SEMA3E: variants seen among roughly 807,000 people sequenced by gnomAD.
SEMA3E encodes the protein semaphorin 3E.
Under a neutral mutation model 93.6 loss-of-function variants are expected in SEMA3E, and 49 were observed. That is an observed-to-expected ratio of 0.52 (90% CI 0.42 to 0.66). SEMA3E has a LOEUF of 0.66. Among genes scored for constraint, SEMA3E ranks in the 30% least tolerant of loss-of-function variants. The pLI is 0.00. For missense variants in SEMA3E, 906 were observed against 964.8 expected (o/e 0.94, Z 0.81); for synonymous variants, 363 against 330.7 (o/e 1.10, Z -1.06).
At chr7:83,557,641 G>C (rs1240617768) in intron 1 of SEMA3E, among the ~76,000 whole-genome samples, 1 of 152,000 alleles carries the variant, frequency 6.6e-6, no homozygotes, top group Non-Finnish European at 1.5e-5. Context: ...TTAAAACAAT[G>C]AATTTAACTC....
chr7:83,393,213 T>C (rs937144932), intron 13 of SEMA3E, among the ~76,000 whole-genome samples: 17 of 152,056 alleles, frequency 1.1e-4, no homozygotes, highest in African/African-American at 3.1e-4. Flanking sequence ...TACCCAACAC[T>C]GTGGATCTTC....
chr7:83,487,426 A>G (rs1790282240), intron 2 of SEMA3E, among the ~76,000 whole-genome samples: 1 of 152,142 alleles, frequency 6.6e-6, no homozygotes, highest in South Asian at 2.1e-4. Flanking sequence ...CAGATCTTTT[A>G]TAGGTTATTC....
intron 1 of SEMA3E, among the ~76,000 whole-genome samples, chr7:83,630,021 C>T (rs1307151290): frequency 2.6e-5 from 4 of 152,146 alleles, no homozygotes; most frequent in African/African-American, 9.6e-5. Flanking sequence ...TCTCTCATGG[C>T]TTCCTTTGGC....
chr7:83,543,510 A>G (rs1791581562), intron 1 of SEMA3E, among the ~76,000 whole-genome samples: 2 of 152,208 alleles, frequency 1.3e-5, no homozygotes, highest in Admixed American at 1.3e-4. Flanking sequence ...GTTCCATCTA[A>G]TGTCATTCTC....
chr7:83,423,128 AAAAC>A (rs1195990070), intron 4 of SEMA3E, among the ~76,000 whole-genome samples: 2 of 152,220 alleles, frequency 1.3e-5, no homozygotes, highest in Non-Finnish European at 2.9e-5. Context: ...TAACATTTTG[AAAAC>A]AATCAAATGG....
rs144165250 is a variant in SEMA3E, at chr7:83,531,341, C to CTTTTTT, written c.116-41073_116-41068dup. 1.0e-3 allele frequency among the ~76,000 whole-genome samples: 68 copies of CTTTTTT among 68,142 alleles called. 13 individuals carry two copies. The highest frequency in any genetic ancestry group is 1.5e-3 in the Admixed American group (6 of 3,970). 44.7% of individuals were successfully genotyped at this position (68,142 alleles called of 152,430 possible). On this transcript the variant is annotated intron_variant, in intron 1 of 16. Transcript: ENST00000643230. ...ATGTGTGCTTCTTGATTGGAATATTCTTTTTTTTTTTTTTTTTTTTTCCGA... is the reference window on the plus strand; with the variant it reads ...ATGTGTGCTTCTTGATTGGAATATTCTTTTTTTTTTTTTTTTTTTTTTTTTTTCCGA...
intron 1 of SEMA3E, among the ~76,000 whole-genome samples, chr7:83,608,922 A>T (rs1793187558): frequency 6.6e-6 from 1 of 152,138 alleles, no homozygotes; most frequent in African/African-American, 2.4e-5. Flanking sequence ...GCAGCATAGA[A>T]TTTCATTCAT....
At chr7:83,371,269 C>T (rs561054277) in intron 16 of SEMA3E, among the ~76,000 whole-genome samples, 2 of 151,992 alleles carry the variant, frequency 1.3e-5, no homozygotes, top group East Asian at 1.9e-4. Context: ...TAAGTTACAG[C>T]GAAATGAAAA....
intron 4 of SEMA3E, among the ~76,000 whole-genome samples, chr7:83,454,114 C>T (rs1170533370): frequency 6.6e-6 from 1 of 150,966 alleles, no homozygotes; most frequent in African/African-American, 2.4e-5. Context: ...AAAAATTAGC[C>T]TGGCGTGGTG....
At chr7:83,533,859 C>G (rs1351964752) in intron 1 of SEMA3E, among the ~76,000 whole-genome samples, 4 of 152,084 alleles carry the variant, frequency 2.6e-5, no homozygotes, top group Non-Finnish European at 5.9e-5. Flanking sequence ...GAAGGTCCTT[C>G]CCTGCCTGCC....
Position 83,606,338 on chromosome 7 carries a change from T to A in SEMA3E, c.115+42090A>T, listed in dbSNP as rs115703897. 5.0e-3 allele frequency among the ~76,000 whole-genome samples: 762 copies of A among 152,282 alleles called. 7 individuals carry two copies. The highest frequency in any genetic ancestry group is 0.017 in the African/African-American group (716 of 41,574). On this transcript the variant is annotated intron_variant, in intron 1 of 16. Coordinates refer to ENST00000643230, the MANE Select transcript of SEMA3E (RefSeq NM_012431.3). ...TTTTGGCAATCTAATGAGATTTTTTTAAAATCAGATTTGGGAACCAACCCA... is the reference window on the plus strand; with the variant it reads ...TTTTGGCAATCTAATGAGATTTTTTAAAAATCAGATTTGGGAACCAACCCA...
chr7:83,389,331 A>AGTTCATTTTATACTATCCCCGTAT (rs1433303454), intron 14 of SEMA3E, among the ~76,000 whole-genome samples: 3 of 149,658 alleles, frequency 2.0e-5, no homozygotes, highest in Admixed American at 6.7e-5. Context: ...GATAGGAATA[A>AGTTCATTTTATACTATCCCCGTAT]AATCAACAAA....
intron 1 of SEMA3E, among the ~76,000 whole-genome samples, chr7:83,492,413 C>A (rs867456734): frequency 2.0e-5 from 3 of 151,900 alleles, no homozygotes; most frequent in African/African-American, 7.2e-5. Context: ...TTATGACTTA[C>A]CAATTTGCCT....
At chr7:83,379,160 T>C (rs117260014) in intron 16 of SEMA3E, among the ~76,000 whole-genome samples, 2,291 of 151,838 alleles carry the variant, frequency 0.015, 28 homozygotes, top group Non-Finnish European at 0.023. Flanking sequence ...AGTCAAATAC[T>C]GCACTCTCAC....
chr7:83,549,306 A>G (rs1321704309), intron 1 of SEMA3E, among the ~76,000 whole-genome samples: 1 of 152,142 alleles, frequency 6.6e-6, no homozygotes, highest in Non-Finnish European at 1.5e-5. Context: ...ACTTTTACAT[A>G]TCATAAAGGC....
chr7:83,423,056 A>G (rs890414670), intron 4 of SEMA3E, among the ~76,000 whole-genome samples: 2 of 152,158 alleles, frequency 1.3e-5, no homozygotes, highest in Non-Finnish European at 2.9e-5. Context: ...CAGTGTGTTC[A>G]ACTCTCAGAA....
intron 2 of SEMA3E, among the ~76,000 whole-genome samples, chr7:83,487,682 C>CGTGTGTGT (rs71074667): frequency 0.085 from 12,311 of 144,356 alleles, 638 homozygotes; most frequent in South Asian, 0.21. Context: ...GGCAGGAGGT[C>CGTGTGTGT]GTGTGTGTGT....
At chr7:83,376,309 G>A (rs555994309) in intron 16 of SEMA3E, among the ~76,000 whole-genome samples, 1 of 152,138 alleles carries the variant, frequency 6.6e-6, no homozygotes, top group South Asian at 2.1e-4. Flanking sequence ...TATGAGTCAT[G>A]TAACAAACAA....
At chr7:83,392,767 T>C in intron 13 of SEMA3E, 46 bp from the exon 14 acceptor site, 3 of 1,561,056 alleles carry the variant, frequency 1.9e-6, no homozygotes, top group Non-Finnish European at 2.6e-6. Context: ...GACAAAACTT[T>C]CACTGAGCTA....
Sources: allele counts gnomAD v4.1 joint callset (sites outside exome capture counted in the v4.1 genomes callset), GRCh38; gene constraint gnomAD v4.1.1; transcripts MANE v1.5; gene names NCBI Gene and HGNC (gene_info 2026-07-23, HGNC 2026-07-21).